The following UBE3B variants were observed in gnomAD, a reference collection of about 807,000 sequenced individuals.
UBE3B encodes ubiquitin protein ligase E3B, also known as ubiquitin-protein ligase E3B.
A neutral mutation model predicts 132.3 loss-of-function variants in UBE3B; 80 were observed. The ratio of observed to expected loss-of-function variants is 0.60; its 90% confidence interval spans 0.50 to 0.73. The LOEUF is 0.73. UBE3B is among the 30% of genes least tolerant of loss of function. UBE3B has a pLI of 0.00. For synonymous variants in UBE3B, 487 were observed against 520.4 expected, an observed-to-expected ratio of 0.94 and a Z score of 0.87; for missense variants, 1,196 against 1,362.5, an observed-to-expected ratio of 0.88 and a Z score of 1.92.
At chr12:109,480,181 G>A (rs1402593350) in intron 1 of UBE3B, among the ~76,000 whole-genome samples, 1 of 151,454 alleles carries the variant, frequency 6.6e-6, no homozygotes, top group Non-Finnish European at 1.5e-5. Context: ...GGGAGCCTCT[G>A]CTGAAGAGTT....
chr12:109,512,221 A>G (rs926904572), intron 18 of UBE3B, among the ~76,000 whole-genome samples: 2 of 152,150 alleles, frequency 1.3e-5, no homozygotes, highest in Non-Finnish European at 2.9e-5. Flanking sequence ...GGAATCAGAC[A>G]GCACCCAAGT....
the UBE3B span, among the ~76,000 whole-genome samples, chr12:109,545,923 T>C: frequency 6.6e-6 from 1 of 151,744 alleles, no homozygotes; most frequent in East Asian, 1.9e-4. Flanking sequence ...GTGTGCTGAG[T>C]AAAGGGCCGA....
intron 9 of UBE3B, 50 bp from the exon 10 acceptor site, chr12:109,497,768 C>T (rs776908594): frequency 1.3e-6 from 2 of 1,578,742 alleles, no homozygotes; most frequent in South Asian, 2.2e-5. Context: ...TGCTTTTGTT[C>T]TGGATGCACA....
chr12:109,531,823 C>T (rs986220029), intron 26 of UBE3B, among the ~76,000 whole-genome samples: 8 of 152,086 alleles, frequency 5.3e-5, no homozygotes, highest in Non-Finnish European at 1.0e-4. Flanking sequence ...AAACGGCTCA[C>T]GCTGGCCCCT....
At chr12:109,528,288 C>T (rs1882574096) in intron 24 of UBE3B, 1 of 969,178 alleles carries the variant, frequency 1.0e-6, no homozygotes, top group Non-Finnish European at 1.2e-6. Context: ...CTCCTTCCCT[C>T]CCTCTCACCT....
At chr12:109,490,778 C>T in intron 8 of UBE3B, 1 of 1,366,058 alleles carries the variant, frequency 7.3e-7, no homozygotes, top group Non-Finnish European at 9.5e-7. Flanking sequence ...TCTTCCCTTT[C>T]CTTTTATAAA....
intron 14 of UBE3B, among the ~76,000 whole-genome samples, chr12:109,507,073 C>T (rs1340626027): frequency 6.6e-6 from 1 of 152,168 alleles, no homozygotes. Flanking sequence ...TTTGCTCAGA[C>T]TTGGCTAGAT....
Position 109,477,707 on chromosome 12 carries a change from C to T in UBE3B, c.-530C>T, listed in dbSNP as rs573548033. 1.1e-5 allele frequency: 2 copies of T among 180,220 alleles called. No homozygotes were observed. Among genetic ancestry groups the T allele is most frequent in the East Asian group, 1.8e-4 (1 of 5,658 alleles). The allele number at this position is 180,220 out of a possible 1,614,324, so 11.2% of individuals were successfully genotyped here. ...TCTGGCAGAACTCGGGTGTTTTGGG[C>T]TGAGACAGTGGCAGCTGCGGCCCCG... On this transcript the variant is annotated 5_prime_UTR_variant, in exon 1 of 28. Coordinates refer to ENST00000342494, the MANE Select transcript of UBE3B (RefSeq NM_130466.4).
intron 8 of UBE3B, chr12:109,490,347 CA>C: frequency 6.9e-7 from 1 of 1,453,008 alleles, no homozygotes; most frequent in Non-Finnish European, 9.1e-7. Context: ...TCTGTGTCCT[CA>C]AACAGCCCTT....
chr12:109,544,773 T>A, the UBE3B span, among the ~76,000 whole-genome samples: 41,400 of 152,086 alleles, frequency 0.27, 7,019 homozygotes, highest in African/African-American at 0.48. Context: ...ACTCAGGTAT[T>A]TTTCCCAGCA....
the UBE3B span, among the ~76,000 whole-genome samples, chr12:109,543,475 T>C: frequency 6.6e-6 from 1 of 152,180 alleles, no homozygotes; most frequent in African/African-American, 2.4e-5. Context: ...AATAGTCCTA[T>C]TCTGTTCTCT....
intron 24 of UBE3B, among the ~76,000 whole-genome samples, chr12:109,528,072 T>C (rs1403936195): frequency 6.6e-6 from 1 of 152,224 alleles, no homozygotes; most frequent in Non-Finnish European, 1.5e-5. Flanking sequence ...CCTGTCCTGC[T>C]GGGAAACCTC....
chr12:109,509,721 G>T lies in UBE3B; in HGVS notation c.1741+7G>T. ...ATCTGGGATGGAATTGTAGGTAAGA[G>T]AAAAGGTGTCTGCTGTTGTTTGGTT... On this transcript the variant is annotated splice_region_variant and intron_variant, in intron 16 of 27. Transcript: ENST00000342494. 6.3e-7 allele frequency: 1 copy of T among 1,583,992 alleles called. No individual in the cohort carries two copies. The highest frequency in any genetic ancestry group is 8.6e-7 in the Non-Finnish European group (1 of 1,162,894).
chr12:109,502,732 G>C (rs1043716592), intron 13 of UBE3B, among the ~76,000 whole-genome samples: 9 of 152,162 alleles, frequency 5.9e-5, no homozygotes, highest in Admixed American at 4.6e-4. Flanking sequence ...ACCATTGTGG[G>C]TTTTGAAATT....
At chr12:109,541,138 G>A (rs758425773), downstream of UBE3B, among the ~76,000 whole-genome samples, 2 of 152,242 alleles carry the variant, frequency 1.3e-5, no homozygotes, top group Non-Finnish European at 2.9e-5. Flanking sequence ...CCACCTGCCT[G>A]CGGCTGAGTG....
In UBE3B at chr12:109,530,384, G is replaced by A. The variant is rs78701986; in HGVS notation, c.2811-163G>A. Reference sequence around the variant, plus strand: ...ATTCCCCACCCTTTTAGCTTCCCAGGGAGATAGAGTTATTGAGGCATGAAC... The same window carrying A: ...ATTCCCCACCCTTTTAGCTTCCCAGAGAGATAGAGTTATTGAGGCATGAAC... On this transcript the variant is annotated intron_variant, in intron 25 of 27. Coordinates refer to ENST00000342494, the MANE Select transcript of UBE3B (RefSeq NM_130466.4). Among the ~76,000 whole-genome samples, 300 of 152,314 alleles carry A rather than the reference G, an allele frequency of 2.0e-3. 5 individuals carry two copies. The East Asian group carries it at 0.053, about 27-fold the overall frequency.
chr12:109,497,636 AG>A (rs1279716510), intron 9 of UBE3B, among the ~76,000 whole-genome samples, 181 bp from the exon 10 acceptor site: 1 of 152,208 alleles, frequency 6.6e-6, no homozygotes, highest in African/African-American at 2.4e-5. Context: ...GTATGGCATC[AG>A]CAACTGGACC....
At chr12:109,547,812 TCTGA>T in the UBE3B span, among the ~76,000 whole-genome samples, 5 of 152,052 alleles carry the variant, frequency 3.3e-5, no homozygotes, top group Admixed American at 3.3e-4. The surrounding 1 kb of genome is among the most constrained non-coding windows in gnomAD (Gnocchi z 4.1). Context: ...AGACAATAAA[TCTGA>T]CTTTGTTCGA....
intron 12 of UBE3B, among the ~76,000 whole-genome samples, chr12:109,500,742 G>A (rs982275676): frequency 2.6e-5 from 4 of 152,190 alleles, no homozygotes; most frequent in African/African-American, 9.7e-5. Flanking sequence ...GAAACCTGGG[G>A]ATAATTTTCA....
Sources: allele counts gnomAD v4.1 joint callset (sites outside exome capture counted in the v4.1 genomes callset), GRCh38; gene constraint gnomAD v4.1.1; non-coding constraint Gnocchi (gnomAD v3.1); transcripts MANE v1.5; gene names NCBI Gene and HGNC (gene_info 2026-07-23, HGNC 2026-07-21).